The following LZTS3 variants were observed in gnomAD, a reference collection of about 807,000 sequenced individuals.
LZTS3 encodes leucine zipper tumor suppressor family member 3.
A neutral mutation model predicts 50.9 loss-of-function variants in LZTS3; 16 were observed. The ratio of observed to expected loss-of-function variants is 0.31; its 90% CI spans 0.21 to 0.48. The LOEUF (loss-of-function observed/expected upper bound fraction) is 0.48, where lower values mean the gene tolerates loss of function less well. Ranked by LOEUF, LZTS3 falls within the 20% of genes least tolerant of loss-of-function variation. The probability of loss-of-function intolerance (pLI) is 0.99; values close to 1 mark genes in which losing one functional copy is unlikely to be tolerated. For synonymous variants in LZTS3, 408 were observed against 410.6 expected, an observed-to-expected ratio of 0.99 and a Z score of 0.08; for missense variants, 816 against 931.0, an observed-to-expected ratio of 0.88 and a Z score of 1.61.
Position 3,165,189 on chromosome 20 carries a change from G to A in LZTS3, c.1324-37C>T, listed in dbSNP as rs1261716242. 4.1e-6 allele frequency: 6 copies of A among 1,477,456 alleles called. No homozygotes were observed. Among genetic ancestry groups the A allele is most frequent in the African/African-American group, 1.4e-5 (1 of 72,294 alleles). The allele number at this position is 1,477,456 out of a possible 1,614,324, so 91.5% of individuals were successfully genotyped here. ...CAGGTGAGAGGAGAAGCCAGGTAAAGGCAGAGCTCTGCTCACCCCAACCCA... is the reference window on the plus strand; with the variant it reads ...CAGGTGAGAGGAGAAGCCAGGTAAAAGCAGAGCTCTGCTCACCCCAACCCA... On this transcript the variant is annotated intron_variant, in intron 4 of 4. Coordinates refer to ENST00000337576, the MANE Select transcript of LZTS3 (RefSeq NM_001365618.1). The surrounding 1 kb of genome is among the most constrained non-coding windows in gnomAD (Gnocchi z 5.0).
chr20:3,170,589 G>C (rs547988505), intron 1 of LZTS3, among the ~76,000 whole-genome samples: 2 of 150,470 alleles, frequency 1.3e-5, no homozygotes, highest in Admixed American at 1.3e-4. Context: ...TCAGGAGTTC[G>C]AGACCAGCCT....
At position 3,165,703 on chromosome 20, in the gene LZTS3, C is replaced by T. The variant is rs1313811884; in HGVS notation, c.1117G>A (p.Gly373Arg). Reference sequence around the variant, plus strand: ...CGTCGGGCCACCTGCTGTAGCTTCCCGCTGCAGCCCTGCCGCAGCTCGGCC... The same window carrying T: ...CGTCGGGCCACCTGCTGTAGCTTCCTGCTGCAGCCCTGCCGCAGCTCGGCC... ...ELAELRQGCS[G>R]KLQQVARRAQ... The change falls in exon 4 of 5, where the codon GGG becomes AGG. Residue 373 changes from glycine to arginine, a missense_variant. Gly to Arg is a moderately radical substitution (Grantham distance 125). Around this residue, in one of 3 missense-constraint regions of LZTS3, gnomAD observed 700 missense variants for 769.4 expected, o/e 0.91. Transcript: ENST00000337576. This position sits in a 1 kb window ranked among gnomAD's most constrained non-coding sequence, Gnocchi z 5.0. The T allele has an allele frequency of 6.4e-7, 1 of 1,570,900 alleles. No individual in the cohort carries two copies. The highest frequency in any genetic ancestry group is 8.6e-7 in the Non-Finnish European group (1 of 1,167,058).
At chr20:3,171,958 ACCT>A (rs1051395173) in intron 1 of LZTS3, among the ~76,000 whole-genome samples, 6 of 152,114 alleles carry the variant, frequency 3.9e-5, no homozygotes, top group African/African-American at 1.4e-4. Flanking sequence ...ATGTACAGGT[ACCT>A]CCAACCCACC....
Position 3,167,159 on chromosome 20 carries a change from G to C in LZTS3, c.5C>G (p.Ala2Gly). The change falls in exon 3 of 5, where the codon GCG (alanine) becomes GGG (glycine). Residue 2 changes from alanine to glycine, a missense_variant. Ala to Gly is a moderately conservative substitution (Grantham distance 60). Transcript: ENST00000337576. ...GCGCACAGGCAGCGTCTCCAGCTTC[G>C]CCATGACTAAGCCAGGGGGGCACTG... M[A>G]KLETLPVRAD... 6.8e-7 allele frequency: 1 copy of C among 1,476,010 alleles called. No individual in the cohort carries two copies. The highest frequency in any genetic ancestry group is 8.9e-7 in the Non-Finnish European group (1 of 1,118,744). The allele number at this position is 1,476,010 out of a possible 1,614,324, so 91.4% of individuals were successfully genotyped here.
intron 2 of LZTS3, 193 bp from the exon 3 acceptor site, chr20:3,167,374 G>C (rs1257484395): frequency 1.0e-5 from 14 of 1,341,342 alleles, no homozygotes; most frequent in Non-Finnish European, 1.2e-5. Context: ...GGGGCTGCCT[G>C]TTGCCCACCT....
intron 2 of LZTS3, 170 bp downstream of exon 2, chr20:3,167,568 A>C: frequency 9.9e-7 from 1 of 1,007,944 alleles, no homozygotes; most frequent in Non-Finnish European, 1.2e-6. Flanking sequence ...GGGGTTCTTT[A>C]TCTTGGGTCT....
Position 3,164,197 on chromosome 20 carries a change from C to CA in LZTS3, c.*256dup. 2.4e-6 allele frequency: 1 copy of CA among 417,318 alleles called. No individual in the cohort carries two copies. Among genetic ancestry groups the CA allele is most frequent in the Non-Finnish European group, 4.2e-6 (1 of 239,864 alleles). 25.9% of individuals were successfully genotyped at this position (417,318 alleles called of 1,614,324 possible). A position where few individuals can be genotyped will look rare whatever the true frequency, so the allele number is the denominator to read the frequency against. On this transcript the variant is annotated 3_prime_UTR_variant, in exon 5 of 5. Transcript: ENST00000337576. ...GCCGAGAAAGGGAGCATGACTCCCC[C>CA]ACCACCTAGGATTGCCCCCACTCAC...
In LZTS3 at chr20:3,166,729, C is replaced by G; in HGVS notation, c.435G>C (p.Leu145=). 6.2e-7 allele frequency: 1 copy of G among 1,613,728 alleles called. No homozygotes were observed. Among genetic ancestry groups the G allele is most frequent in the Non-Finnish European group, 8.5e-7 (1 of 1,179,806 alleles). The change falls in exon 3 of 5, where the codon CTG becomes CTC. Residue 145 remains leucine, a synonymous_variant. Coordinates refer to ENST00000337576, the MANE Select transcript of LZTS3 (RefSeq NM_001365618.1). ...CCTGGTCTAGCTTGCCAGAGGTGGC[C>G]AGGAGCTTGGGTGGGTGGCTGGGCT... ...YREPSHPPKL[L]ATSGKLDQCS... is the part of the protein sequence containing the mutation.
chr20:3,164,322 TCA>T lies in LZTS3; in HGVS notation c.*130_*131del. ...GGCAGGTGGGGAGGGAGGAACCTGG[TCA>T]CAGCTGCTTAGAGAACCTCTTTGGT... On this transcript the variant is annotated 3_prime_UTR_variant, in exon 5 of 5. Transcript: ENST00000337576. 2 of 1,004,362 alleles carry T rather than the reference TCA, an allele frequency of 2.0e-6. No individual in the cohort carries two copies. The highest frequency in any genetic ancestry group is 3.1e-5 in the East Asian group (1 of 32,466). 62.2% of individuals were successfully genotyped at this position (1,004,362 alleles called of 1,614,324 possible).
rs2066842665 is a variant in LZTS3, at chr20:3,167,198, G to A, written c.-18-17C>T. ...AGGGGGGCACTGTGGGCACAGGTGG[G>A]AAGGCAGAGATAGGTAAGACCCTAC... is the stretch of plus-strand genomic sequence containing the variant. On this transcript the variant is annotated splice_polypyrimidine_tract_variant and intron_variant, in intron 2 of 4. Coordinates refer to ENST00000337576, the MANE Select transcript of LZTS3 (RefSeq NM_001365618.1). The A allele has an allele frequency of 3.5e-6, 5 of 1,441,740 alleles. No homozygotes were observed. Among genetic ancestry groups the A allele is most frequent in the Non-Finnish European group, 4.5e-6 (5 of 1,102,016 alleles). 89.3% of individuals were successfully genotyped at this position (1,441,740 alleles called of 1,614,324 possible). A position where few individuals can be genotyped will look rare whatever the true frequency, so the allele number is the denominator to read the frequency against.
At position 3,166,773 on chromosome 20, in the gene LZTS3, CTTTG is replaced by C; in HGVS notation, c.387_390del (p.Asp129GlufsTer22). Reference sequence around the variant, plus strand: ...CTGGGCTCACGATACTGCGGTGGGGCTTTGTCACTGCCACCACTGCTGCTGCTGC... The same window carrying C: ...CTGGGCTCACGATACTGCGGTGGGGCTCACTGCCACCACTGCTGCTGCTGC... On this transcript the variant is annotated frameshift_variant, in exon 3 of 5. Coordinates refer to ENST00000337576, the MANE Select transcript of LZTS3 (RefSeq NM_001365618.1). LOFTEE classifies it high-confidence loss of function. 6.2e-7 allele frequency: 1 copy of C among 1,613,894 alleles called. No homozygotes were observed. Among genetic ancestry groups the C allele is most frequent in the Non-Finnish European group, 8.5e-7 (1 of 1,180,028 alleles).
intron 1 of LZTS3, among the ~76,000 whole-genome samples, chr20:3,172,234 C>T (rs760842961): frequency 6.6e-6 from 1 of 152,254 alleles, no homozygotes; most frequent in Non-Finnish European, 1.5e-5. Context: ...AGAGTTCTGG[C>T]AGCATCAGCT....
In LZTS3 at chr20:3,166,784, C is replaced by T. The variant is rs760142740; in HGVS notation, c.380G>A (p.Gly127Asp). 3.1e-6 allele frequency: 5 copies of T among 1,613,900 alleles called. No homozygotes were observed. The South Asian group carries it at 4.4e-5, about 14-fold the overall frequency. Reference sequence around the variant, plus strand: ...ATACTGCGGTGGGGCTTTGTCACTGCCACCACTGCTGCTGCTGCCTCCGCT... The same window carrying T: ...ATACTGCGGTGGGGCTTTGTCACTGTCACCACTGCTGCTGCTGCCTCCGCT... ...GSSGGSSSSGGSDKAPPQYRE... is the reference protein window; with the variant it reads ...GSSGGSSSSGDSDKAPPQYRE... Residue 127 changes from glycine (G) to aspartate (D), a missense_variant, in exon 3 of 5, where the codon GGC becomes GAC. Transcript: ENST00000337576.
Position 3,164,518 on chromosome 20 carries a change from T to C in LZTS3, c.1958A>G (p.His653Arg), listed in dbSNP as rs1322807110. The change falls in exon 5 of 5, where the codon CAT (histidine) becomes CGT (arginine). Residue 653 changes from histidine to arginine, a missense_variant. Around this residue, in one of 3 missense-constraint regions of LZTS3, gnomAD observed 107 missense variants for 130.4 expected, o/e 0.82. Coordinates refer to ENST00000337576, the MANE Select transcript of LZTS3 (RefSeq NM_001365618.1). ...AGGASTPTPQ[H>R]GEEKKAWTPS... The stretch of plus-strand genomic sequence containing the variant: ...GGTCCAGGCCTTCTTCTCCTCGCCA[T>C]GCTGGGGAGTGGGCGTGCTTGCACC... The C allele has an allele frequency of 1.9e-6, 3 of 1,593,926 alleles. No homozygotes were observed. The highest frequency in any genetic ancestry group is 2.3e-5 in the East Asian group (1 of 42,744).
At position 3,167,173 on chromosome 20, in the gene LZTS3, A is replaced by AG. The variant is rs768219068; in HGVS notation, c.-11dup. ...TCTCCAGCTTCGCCATGACTAAGCC[A>AG]GGGGGGCACTGTGGGCACAGGTGGG... On this transcript the variant is annotated 5_prime_UTR_variant, in exon 3 of 5. Coordinates refer to ENST00000337576, the MANE Select transcript of LZTS3 (RefSeq NM_001365618.1). 11 of 1,462,028 alleles carry AG rather than the reference A, an allele frequency of 7.5e-6. No individual in the cohort carries two copies. The highest frequency in any genetic ancestry group is 2.8e-5 in the African/African-American group (2 of 70,960). The allele number at this position is 1,462,028 out of a possible 1,614,324, so 90.6% of individuals were successfully genotyped here.
At position 3,165,003 on chromosome 20, in the gene LZTS3, C is replaced by T; in HGVS notation, c.1473G>A (p.Leu491=). 6.4e-7 allele frequency: 1 copy of T among 1,558,126 alleles called. No individual in the cohort carries two copies. Among genetic ancestry groups the T allele is most frequent in the Non-Finnish European group, 8.7e-7 (1 of 1,154,162 alleles). ...TGCTGAAGGAGTCCCGCAGGCTGAGCAGCTGCTCCTCCTTCTCCCGCAGCG... is the reference window on the plus strand; with the variant it reads ...TGCTGAAGGAGTCCCGCAGGCTGAGTAGCTGCTCCTCCTTCTCCCGCAGCG... The part of the protein sequence containing the change: ...RASLREKEEQ[L]LSLRDSFSSK... The change falls in exon 5 of 5, where the codon CTG becomes CTA. Residue 491 remains leucine, a synonymous_variant. Coordinates refer to ENST00000337576, the MANE Select transcript of LZTS3 (RefSeq NM_001365618.1). This position sits in a 1 kb window ranked among gnomAD's most constrained non-coding sequence, Gnocchi z 5.0.
chr20:3,165,240 C>A lies in LZTS3; in HGVS notation c.1324-88G>T. On this transcript the variant is annotated intron_variant, in intron 4 of 4. Transcript: ENST00000337576. The surrounding 1 kb of genome is among the most constrained non-coding windows in gnomAD (Gnocchi z 5.0). ...GCTACCAGATCTGGAGCCAGGGGCA[C>A]CAAGCTTCCCGGGGCTGCAGGCTCA... 1.8e-5 allele frequency: 24 copies of A among 1,335,394 alleles called. No individual in the cohort carries two copies. The highest frequency in any genetic ancestry group is 2.3e-5 in the Non-Finnish European group (23 of 1,007,914). 82.7% of individuals were successfully genotyped at this position (1,335,394 alleles called of 1,614,324 possible).
In LZTS3 at chr20:3,166,251, C is replaced by T. The variant is rs759003445; in HGVS notation, c.569G>A (p.Arg190Gln). 1.3e-5 allele frequency: 21 copies of T among 1,613,654 alleles called. No homozygotes were observed. Among genetic ancestry groups the T allele is most frequent in the South Asian group, 2.2e-5 (2 of 91,036 alleles). ...PPQTNGTPEG[R>Q]QGPGGLKGGL... ...GCCTTTGAGGCCACCAGGGCCCTGC[C>T]GTCCCTCAGGAGTCCCATTGGTCTG... Residue 190 changes from arginine (R) to glutamine (Q), a missense_variant, in exon 4 of 5, where the codon CGG becomes CAG. Transcript: ENST00000337576.
chr20:3,164,098 A>G lies in LZTS3; in HGVS notation c.*356T>C. 4.6e-6 allele frequency: 1 copy of G among 217,202 alleles called. No individual in the cohort carries two copies. The highest frequency in any genetic ancestry group is 9.0e-6 in the Non-Finnish European group (1 of 111,716). The allele number at this position is 217,202 out of a possible 1,614,324, so 13.5% of individuals were successfully genotyped here. On this transcript the variant is annotated 3_prime_UTR_variant, in exon 5 of 5. Coordinates refer to ENST00000337576, the MANE Select transcript of LZTS3 (RefSeq NM_001365618.1). ...TAGACACAGGGTGGCCAACAGTAGCAGCCCAGGCCTCCAGAAGGACTGGGG... is the reference window on the plus strand; with the variant it reads ...TAGACACAGGGTGGCCAACAGTAGCGGCCCAGGCCTCCAGAAGGACTGGGG...
Sources: gnomAD v4.1 joint callset for allele counts (sites outside exome capture counted in the v4.1 genomes callset) on GRCh38, gnomAD v4.1.1 for gene constraint, gnomAD v4.1.1 regional missense constraint, Gnocchi (gnomAD v3.1) non-coding constraint, MANE v1.5 for transcripts, NCBI Gene and HGNC (gene_info 2026-07-23, HGNC 2026-07-21) for gene names.